The following TMOD2 variants were observed in gnomAD, a reference collection of about 807,000 sequenced individuals.
TMOD2 encodes tropomodulin 2, also known as tropomodulin-2.
Under a neutral mutation model 39.9 loss-of-function variants are expected in TMOD2, and 22 were observed. The observed-to-expected ratio is 0.55, with a 90% CI of 0.39 to 0.79. The LOEUF is 0.79. Among genes scored for constraint, TMOD2 ranks in the 30% least tolerant of loss-of-function variants. TMOD2 has a pLI of 0.00. For synonymous variants in TMOD2, 123 were observed against 146.1 expected, an observed-to-expected ratio of 0.84 and a Z score of 1.14; for missense variants, 386 against 413.3, an observed-to-expected ratio of 0.93 and a Z score of 0.57.
At chr15:51,787,275 G>C (rs529110633) in intron 7 of TMOD2, among the ~76,000 whole-genome samples, 6 of 152,350 alleles carry the variant, frequency 3.9e-5, no homozygotes, top group Admixed American at 3.9e-4. Flanking sequence ...AGCTTGGCGG[G>C]GGGAGGGGCA....
chr15:51,766,335 G>T, intron 1 of TMOD2, 38 bp from the exon 2 acceptor site: 1 of 1,060,858 alleles, frequency 9.4e-7, no homozygotes. Flanking sequence ...TTTACAGAAC[G>T]GAGATTCTTT....
chr15:51,798,184 T>A lies in TMOD2; in HGVS notation c.733-13T>A. On this transcript the variant is annotated splice_polypyrimidine_tract_variant and intron_variant, in intron 7 of 9. Transcript: ENST00000249700. ...AACTTAATTCTAAGTTTTTTTTCTT[T>A]TTGCATCATAAGGCTTTTGCAGACA... The A allele has an allele frequency of 7.7e-6, 12 of 1,568,082 alleles. No individual in the cohort carries two copies. Among genetic ancestry groups the A allele is most frequent in the Non-Finnish European group, 1.0e-5 (12 of 1,165,424 alleles).
chr15:51,759,476 T>G (rs1213297401), intron 1 of TMOD2, among the ~76,000 whole-genome samples: 1 of 152,070 alleles, frequency 6.6e-6, no homozygotes, highest in Non-Finnish European at 1.5e-5. Context: ...TAGAAGAATT[T>G]ATAAGATGAG....
chr15:51,759,058 A>T (rs74015767), intron 1 of TMOD2, among the ~76,000 whole-genome samples: 2,255 of 152,318 alleles, frequency 0.015, 55 homozygotes, highest in African/African-American at 0.052. Flanking sequence ...CACTTTGGCC[A>T]TTTGTATGGC....
At chr15:51,806,980 C>T (rs982333703) in intron 9 of TMOD2, among the ~76,000 whole-genome samples, 9 of 152,202 alleles carry the variant, frequency 5.9e-5, no homozygotes, top group African/African-American at 2.2e-4. Flanking sequence ...AGTTTAAACT[C>T]ACAGGTCGCC....
intron 7 of TMOD2, among the ~76,000 whole-genome samples, chr15:51,795,607 TTTC>T (rs1164434551): frequency 1.1e-3 from 158 of 139,688 alleles, no homozygotes; most frequent in African/African-American, 4.3e-3. Flanking sequence ...TCTTTCTTTC[TTTC>T]TTTCTTTCTT....
At chr15:51,764,907 A>T (rs2055806400) in intron 1 of TMOD2, among the ~76,000 whole-genome samples, 1 of 152,178 alleles carries the variant, frequency 6.6e-6, no homozygotes, top group Non-Finnish European at 1.5e-5. Flanking sequence ...TGTGTTTTCA[A>T]ACCTACTTTT....
At chr15:51,766,009 GTAGTATAAGGGAA>G (rs567170223) in intron 1 of TMOD2, among the ~76,000 whole-genome samples, 142 of 152,364 alleles carry the variant, frequency 9.3e-4, no homozygotes, top group Non-Finnish European at 1.7e-3. Context: ...GGAAGGCAGA[GTAGTATAAGGGAA>G]AAGCACCCAC....
intron 8 of TMOD2, among the ~76,000 whole-genome samples, chr15:51,800,053 T>C (rs958072919): frequency 5.9e-5 from 9 of 152,228 alleles, no homozygotes; most frequent in African/African-American, 1.9e-4. Context: ...AATTTTAGCA[T>C]GTGTCATCAA....
chr15:51,767,560 A>G (rs2055824149), intron 2 of TMOD2, among the ~76,000 whole-genome samples: 2 of 152,196 alleles, frequency 1.3e-5, no homozygotes, highest in Non-Finnish European at 2.9e-5. Context: ...ACTTAGAATT[A>G]GCAGTACTTT....
chr15:51,797,862 A>G (rs1439906503), intron 7 of TMOD2, among the ~76,000 whole-genome samples: 4 of 148,576 alleles, frequency 2.7e-5, no homozygotes, highest in Admixed American at 2.0e-4. Context: ...CTTTTTTCTA[A>G]TGTTAAAATG....
At chr15:51,794,131 G>A (rs1396880040) in intron 7 of TMOD2, among the ~76,000 whole-genome samples, 1 of 152,206 alleles carries the variant, frequency 6.6e-6, no homozygotes, top group Non-Finnish European at 1.5e-5. Context: ...TGGTTGTCAT[G>A]ATGGGGAGGA....
intron 8 of TMOD2, among the ~76,000 whole-genome samples, chr15:51,800,980 C>T (rs1047924943): frequency 6.6e-6 from 1 of 152,200 alleles, no homozygotes; most frequent in Non-Finnish European, 1.5e-5. Context: ...GCTGGGATTA[C>T]AGACATGAGC....
chr15:51,801,068 G>A (rs2056083927), intron 8 of TMOD2, among the ~76,000 whole-genome samples: 1 of 152,114 alleles, frequency 6.6e-6, no homozygotes, highest in African/African-American at 2.4e-5. Flanking sequence ...GCTGGGTGTG[G>A]TGGCTCACAC....
At chr15:51,808,155 C>T (rs1352722007) in intron 9 of TMOD2, among the ~76,000 whole-genome samples, 3 of 152,150 alleles carry the variant, frequency 2.0e-5, no homozygotes, top group African/African-American at 7.2e-5. Context: ...TCACGGGTCT[C>T]TTCTGGAATT....
chr15:51,780,338 TCACACTTGTTTGCTAA>T (rs1392252184), intron 5 of TMOD2, among the ~76,000 whole-genome samples: 1 of 152,254 alleles, frequency 6.6e-6, no homozygotes, highest in African/African-American at 2.4e-5. Flanking sequence ...TTACCTCGTT[TCACACTTGTTTGCTAA>T]TGAAATGGTA....
Position 51,810,599 on chromosome 15 carries a change from G to T in TMOD2, c.*2145G>T, listed in dbSNP as rs2056149896. 6.6e-6 allele frequency: 1 copy of T among 152,146 alleles called. No homozygotes were observed. Among genetic ancestry groups the T allele is most frequent in the Non-Finnish European group, 1.5e-5 (1 of 68,024 alleles). 9.4% of individuals were successfully genotyped at this position (152,146 alleles called of 1,614,324 possible). ...AACATTCATCAGCACACCACTGGGTGAAATTATACATTTTTTTATACATAT... is the reference window on the plus strand; with the variant it reads ...AACATTCATCAGCACACCACTGGGTTAAATTATACATTTTTTTATACATAT... On this transcript the variant is annotated 3_prime_UTR_variant, in exon 10 of 10. Coordinates refer to ENST00000249700, the MANE Select transcript of TMOD2 (RefSeq NM_014548.4).
intron 1 of TMOD2, chr15:51,752,452 G>A (rs879937480): frequency 2.0e-5 from 3 of 152,230 alleles, no homozygotes; most frequent in Non-Finnish European, 2.9e-5. Context: ...AGCAGTGAAG[G>A]AGGCCGTGCT....
At chr15:51,756,352 AC>A (rs1486372972) in intron 1 of TMOD2, 1 of 152,342 alleles carries the variant, frequency 6.6e-6, no homozygotes, top group African/African-American at 2.4e-5. Flanking sequence ...CACCTAAAAC[AC>A]GAGATTATTC....
Sources: gnomAD v4.1 joint callset for allele counts (sites outside exome capture counted in the v4.1 genomes callset) on GRCh38, gnomAD v4.1.1 for gene constraint, MANE v1.5 for transcripts, NCBI Gene and HGNC (gene_info 2026-07-23, HGNC 2026-07-21) for gene names.